DIPK1A: variants seen among roughly 807,000 people sequenced by gnomAD.
DIPK1A encodes divergent protein kinase domain 1A.
Under a neutral mutation model 40.8 loss-of-function variants are expected in DIPK1A, and 27 were observed. That is an observed-to-expected ratio of 0.66 (90% CI 0.49 to 0.91). The LOEUF is 0.91. Ranked by LOEUF, DIPK1A falls within the 40% of genes least tolerant of loss-of-function variation. The pLI is 0.00. For missense variants in DIPK1A, 412 were observed against 505.7 expected, an observed-to-expected ratio of 0.81 and a Z score of 1.78; for synonymous variants, 166 against 171.3, an observed-to-expected ratio of 0.97 and a Z score of 0.24.
chr1:92,900,501 T>C (rs1649364372), intron 1 of DIPK1A, among the ~76,000 whole-genome samples: 3 of 152,234 alleles, frequency 2.0e-5, no homozygotes, highest in Non-Finnish European at 1.5e-5. Context: ...GGTCATATCA[T>C]GAATTGTTTT....
chr1:92,889,632 G>A (rs1282923788), intron 1 of DIPK1A, among the ~76,000 whole-genome samples: 2 of 151,992 alleles, frequency 1.3e-5, no homozygotes, highest in African/African-American at 2.4e-5. Context: ...CCATTAACAT[G>A]AGATATCTTT....
chr1:92,915,951 G>C (rs1230374742), intron 1 of DIPK1A, among the ~76,000 whole-genome samples: 1 of 152,126 alleles, frequency 6.6e-6, no homozygotes, highest in African/African-American at 2.4e-5. Context: ...ATGAAGTATT[G>C]ATACATGCTA....
chr1:92,922,400 T>A (rs561708592), intron 1 of DIPK1A, among the ~76,000 whole-genome samples: 2 of 151,860 alleles, frequency 1.3e-5, no homozygotes, highest in Non-Finnish European at 2.9e-5. Flanking sequence ...TGGTAAATAA[T>A]GCCTCAGGGA....
At chr1:92,874,109 T>C (rs1046278034) in intron 2 of DIPK1A, among the ~76,000 whole-genome samples, 1 of 152,228 alleles carries the variant, frequency 6.6e-6, no homozygotes, top group Non-Finnish European at 1.5e-5. Flanking sequence ...CAGGGTTTGA[T>C]AAAATAACCA....
intron 2 of DIPK1A, among the ~76,000 whole-genome samples, chr1:92,855,555 T>G (rs1196742115): frequency 6.6e-6 from 1 of 151,482 alleles, no homozygotes; most frequent in African/African-American, 2.4e-5. Flanking sequence ...TTTTTTTAAA[T>G]TAGCCAGGCA....
intron 1 of DIPK1A, among the ~76,000 whole-genome samples, chr1:92,916,299 T>C (rs1650050150): frequency 6.6e-6 from 1 of 151,766 alleles, no homozygotes; most frequent in Non-Finnish European, 1.5e-5. Context: ...TGATCCTTTT[T>C]TTCTTTTTTT....
chr1:92,961,344 C>G, intron 1 of DIPK1A, 32 bp downstream of exon 1: 3 of 1,481,782 alleles, frequency 2.0e-6, no homozygotes, highest in South Asian at 1.2e-5. Flanking sequence ...CGGGTGCTCC[C>G]GCAGCTGGTG....
intron 1 of DIPK1A, among the ~76,000 whole-genome samples, chr1:92,946,862 C>T (rs1417677864): frequency 1.3e-5 from 2 of 150,748 alleles, no homozygotes; most frequent in Admixed American, 6.6e-5. Flanking sequence ...GAGGATCTCC[C>T]GAGCCTGCGA....
downstream of DIPK1A, chr1:92,837,231 C>T (rs1687164937): frequency 7.0e-6 from 5 of 719,196 alleles, no homozygotes; most frequent in African/African-American, 1.7e-5. Context: ...TTGGTAATGG[C>T]TTTTAAAGGT....
chr1:92,920,813 C>T (rs1022693386), intron 1 of DIPK1A, among the ~76,000 whole-genome samples: 2 of 152,176 alleles, frequency 1.3e-5, no homozygotes, highest in African/African-American at 4.8e-5. Flanking sequence ...CAGGGCAATA[C>T]ATCGCTTGAA....
intron 1 of DIPK1A, among the ~76,000 whole-genome samples, chr1:92,894,250 G>A (rs1369395538): frequency 6.6e-6 from 1 of 152,012 alleles, no homozygotes; most frequent in Non-Finnish European, 1.5e-5. Context: ...CACGTAGTTG[G>A]AAGTAAAGCA....
At chr1:92,894,119 C>T (rs1327716602) in intron 1 of DIPK1A, among the ~76,000 whole-genome samples, 6 of 152,026 alleles carry the variant, frequency 3.9e-5, no homozygotes, top group Non-Finnish European at 7.4e-5. Context: ...ACAAGGATAT[C>T]CAGGAATTGA....
downstream of DIPK1A, chr1:92,842,058 ATTTC>A (rs1005444954): frequency 1.6e-5 from 13 of 795,168 alleles, no homozygotes; most frequent in Non-Finnish European, 2.3e-5. Context: ...AAAAGTTGTT[ATTTC>A]TTGGGCTTCT....
intron 1 of DIPK1A, among the ~76,000 whole-genome samples, chr1:92,906,460 G>A (rs188596336): frequency 1.6e-4 from 24 of 152,266 alleles, no homozygotes; most frequent in African/African-American, 4.8e-4. Flanking sequence ...AGTAAGTTAC[G>A]TGAACTTGAG....
chr1:92,923,067 C>G (rs567551576), intron 1 of DIPK1A, among the ~76,000 whole-genome samples: 1 of 152,280 alleles, frequency 6.6e-6, no homozygotes, highest in East Asian at 1.9e-4. Context: ...TCCAGTTTAC[C>G]TGTAGCTTTC....
In DIPK1A at chr1:92,842,996, A is replaced by T. The variant is rs1254174093; in HGVS notation, c.*387T>A. 1 of 994,536 alleles carries T rather than the reference A, an allele frequency of 1.0e-6. No individual in the cohort carries two copies. The highest frequency in any genetic ancestry group is 1.7e-5 in the African/African-American group (1 of 57,392). The allele number at this position is 994,536 out of a possible 1,614,324, so 61.6% of individuals were successfully genotyped here. A position where few individuals can be genotyped will look rare whatever the true frequency, so the allele number is the denominator to read the frequency against. On this transcript the variant is annotated 3_prime_UTR_variant, in exon 5 of 5. Coordinates refer to ENST00000370310, the MANE Select transcript of DIPK1A (RefSeq NM_001006605.5). ...TGCTAAGACATTAGTAAATTTATAAATTTTCTTGTTGAACAGCAGCTTCAA... is the reference window on the plus strand; with the variant it reads ...TGCTAAGACATTAGTAAATTTATAATTTTTCTTGTTGAACAGCAGCTTCAA...
chr1:92,839,340 CAG>C (rs1289704879), downstream of DIPK1A, among the ~76,000 whole-genome samples: 1 of 152,114 alleles, frequency 6.6e-6, no homozygotes. Context: ...GCCTGGGCAA[CAG>C]AGCGAGACTT....
At chr1:92,930,315 C>T (rs1308359609) in intron 1 of DIPK1A, among the ~76,000 whole-genome samples, 1 of 152,172 alleles carries the variant, frequency 6.6e-6, no homozygotes, top group Non-Finnish European at 1.5e-5. Flanking sequence ...TCCCACTCCC[C>T]ATTGGCCATT....
At chr1:92,920,727 G>C (rs1325160529) in intron 1 of DIPK1A, among the ~76,000 whole-genome samples, 1 of 152,166 alleles carries the variant, frequency 6.6e-6, no homozygotes, top group Admixed American at 6.5e-5. Context: ...ATCCTCCTAG[G>C]AAAAAACTCA....
Sources: allele counts gnomAD v4.1 joint callset (sites outside exome capture counted in the v4.1 genomes callset), GRCh38; gene constraint gnomAD v4.1.1; transcripts MANE v1.5; gene names NCBI Gene and HGNC (gene_info 2026-07-23, HGNC 2026-07-21).